COPG2: variants seen among roughly 807,000 people sequenced by gnomAD.
The protein encoded by COPG2 is coat protein complex I subunit gamma 2, also known as coatomer subunit gamma-2.
A neutral mutation model predicts 46.3 loss-of-function variants in COPG2; 37 were observed. That is an observed-to-expected ratio of 0.80 (90% CI 0.61 to 1.05). The LOEUF (loss-of-function observed/expected upper bound fraction) is 1.05, where lower values mean the gene tolerates loss of function less well. COPG2 is among the 50% of genes least tolerant of loss of function. The pLI is 0.00. For synonymous variants in COPG2, 159 were observed against 129.7 expected (o/e 1.23, Z -1.53); for missense variants, 427 against 387.8 (o/e 1.10, Z -0.85).
chr7:130,508,680 AC>A, intron 20 of COPG2, 21 bp from the exon 21 acceptor site: 1 of 744,566 alleles, frequency 1.3e-6, no homozygotes, highest in Non-Finnish European at 2.5e-6. Flanking sequence ...AGGGAGGCAA[AC>A]CTGCATCAGT....
In COPG2 at chr7:130,652,951, G is replaced by GA. The variant is rs782501578; in HGVS notation, c.244-4dup. On this transcript the variant is annotated splice_polypyrimidine_tract_variant and splice_region_variant and intron_variant, in intron 4 of 23. Coordinates refer to ENST00000425248, the MANE Select transcript of COPG2 (RefSeq NM_012133.6). ...TAGCACATTCTCCTCAATGTTTGCTGAAAAATCATTTATAAAAGGTAACAG... is the reference window on the plus strand; with the variant it reads ...TAGCACATTCTCCTCAATGTTTGCTGAAAAAATCATTTATAAAAGGTAACAG... The GA allele has an allele frequency of 6.3e-7, 1 of 1,583,170 alleles. No homozygotes were observed. Among genetic ancestry groups the GA allele is most frequent in the Non-Finnish European group, 8.6e-7 (1 of 1,158,712 alleles).
chr7:130,619,041 ATTTCT>A (rs1794994791), intron 5 of COPG2, among the ~76,000 whole-genome samples: 3 of 152,158 alleles, frequency 2.0e-5, no homozygotes, highest in South Asian at 4.1e-4. Flanking sequence ...ACTAATCTGT[ATTTCT>A]TTTAATAGGC....
chr7:130,634,818 C>T (rs1259197788), intron 5 of COPG2, among the ~76,000 whole-genome samples: 2 of 151,896 alleles, frequency 1.3e-5, no homozygotes, highest in African/African-American at 4.8e-5. Context: ...CCAGCTTTTG[C>T]CCATTCAGTA....
intron 9 of COPG2, among the ~76,000 whole-genome samples, chr7:130,578,006 G>T (rs1554446558): frequency 1.3e-5 from 2 of 152,366 alleles, no homozygotes. Context: ...ACAGCTCAAG[G>T]AGGCCTGCCT....
chr7:130,509,763 GATCT>G (rs1281026763), intron 20 of COPG2: 1 of 516,794 alleles, frequency 1.9e-6, no homozygotes, highest in South Asian at 1.4e-5. Flanking sequence ...GTGTGTGTGT[GATCT>G]ATCTATGACT....
At chr7:130,612,111 T>C (rs1554452169) in intron 8 of COPG2, 41 bp downstream of exon 8, 5 of 1,404,784 alleles carry the variant, frequency 3.6e-6, no homozygotes, top group South Asian at 3.5e-5. Flanking sequence ...GTTTAAAGAA[T>C]GCTGATCCTG....
At chr7:130,584,075 C>G (rs1794217118) in intron 9 of COPG2, among the ~76,000 whole-genome samples, 1 of 151,880 alleles carries the variant, frequency 6.6e-6, no homozygotes, top group African/African-American at 2.4e-5. Flanking sequence ...AAAATACTAG[C>G]TAACTGAATC....
chr7:130,509,558 T>TA, intron 20 of COPG2: 1 of 421,880 alleles, frequency 2.4e-6, no homozygotes, highest in Non-Finnish European at 4.8e-6. Flanking sequence ...GATTGGGTAA[T>TA]AAGACTTTCA....
At chr7:130,629,032 A>G (rs1554454733) in intron 5 of COPG2, among the ~76,000 whole-genome samples, 1 of 152,192 alleles carries the variant, frequency 6.6e-6, no homozygotes, top group African/African-American at 2.4e-5. Context: ...CTCATAAATT[A>G]GTAAGTCTTT....
chr7:130,527,481 G>A, intron 20 of COPG2, among the ~76,000 whole-genome samples: 1 of 151,284 alleles, frequency 6.6e-6, no homozygotes, highest in Middle Eastern at 3.4e-3. Flanking sequence ...TTCACCCGAG[G>A]GAGGGCTGGG....
intron 1 of COPG2, 70 bp from the exon 2 acceptor site, chr7:130,667,604 A>C: frequency 8.0e-7 from 1 of 1,257,586 alleles, no homozygotes; most frequent in Non-Finnish European, 1.2e-6. Flanking sequence ...CTTTCCAGAG[A>C]AGGGTACTGA....
At chr7:130,613,240 G>A (rs782110405) in intron 7 of COPG2, among the ~76,000 whole-genome samples, 16 of 152,034 alleles carry the variant, frequency 1.1e-4, no homozygotes, top group Non-Finnish European at 5.9e-5. Flanking sequence ...AATAGGGTTC[G>A]AGCTCCTATG....
chr7:130,507,227 T>C, intron 23 of COPG2, 47 bp downstream of exon 23: 1 of 779,444 alleles, frequency 1.3e-6, no homozygotes, highest in Non-Finnish European at 2.4e-6. Flanking sequence ...ATCCTATTAT[T>C]AAGCTTTGCA....
intron 9 of COPG2, among the ~76,000 whole-genome samples, chr7:130,596,748 A>G (rs1554449753): frequency 6.6e-6 from 1 of 152,196 alleles, no homozygotes; most frequent in African/African-American, 2.4e-5. Flanking sequence ...CCTAGCCCAG[A>G]GCATCCACAG....
At position 130,659,372 on chromosome 7, in the gene COPG2, A is replaced by G. The variant is rs71579302; in HGVS notation, c.243+3595T>C. ...TCCGTCTCAAAAAAAAAAAAAACGA[A>G]CAAACAAGCATTATCTAGAAATTCC... On this transcript the variant is annotated intron_variant, in intron 4 of 23. Coordinates refer to ENST00000425248, the MANE Select transcript of COPG2 (RefSeq NM_012133.6). 2.0e-5 allele frequency among the ~76,000 whole-genome samples: 3 copies of G among 150,510 alleles called. No homozygotes were observed. The South Asian group carries it at 6.3e-4, about 32-fold the overall frequency.
chr7:130,571,211 A>G (rs1167003209), intron 9 of COPG2, among the ~76,000 whole-genome samples: 31 of 152,234 alleles, frequency 2.0e-4, no homozygotes, highest in Admixed American at 2.0e-3. Context: ...TAATTAAACT[A>G]AAAAGCTTCT....
At chr7:130,640,333 C>T (rs1554457023) in intron 5 of COPG2, among the ~76,000 whole-genome samples, 1 of 151,798 alleles carries the variant, frequency 6.6e-6, no homozygotes, top group Non-Finnish European at 1.5e-5. Context: ...CTATATTGGT[C>T]ATTCATTAAG....
At chr7:130,507,855 G>A (rs1799526511) in intron 21 of COPG2, 32 bp from the exon 22 acceptor site, 1 of 776,752 alleles carries the variant, frequency 1.3e-6, no homozygotes, top group South Asian at 1.4e-5. Context: ...GTAAAGAAAA[G>A]TCCTTTCTGT....
At chr7:130,566,051 A>G (rs1292215631) in intron 9 of COPG2, among the ~76,000 whole-genome samples, 3 of 152,228 alleles carry the variant, frequency 2.0e-5, no homozygotes, top group Non-Finnish European at 4.4e-5. Flanking sequence ...TGAAAACCTC[A>G]TAAGTTTGAT....
Sources: gnomAD v4.1 joint callset for allele counts (sites outside exome capture counted in the v4.1 genomes callset) on GRCh38, gnomAD v4.1.1 for gene constraint, MANE v1.5 for transcripts, NCBI Gene and HGNC (gene_info 2026-07-23, HGNC 2026-07-21) for gene names.